Variants in NFIB observed in about 807,000 individuals in gnomAD.
The protein encoded by NFIB is nuclear factor I B, also known as nuclear factor 1 B-type.
NFIB carries 11 observed loss-of-function variants against 61.5 expected under a neutral mutation model. The ratio of observed to expected loss-of-function variants is 0.18; its 90% CI spans 0.11 to 0.30. The LOEUF is 0.30. NFIB is among the 10% of genes least tolerant of loss of function. The probability of loss-of-function intolerance (pLI) is 1.00; values close to 1 mark genes in which losing one functional copy is unlikely to be tolerated. For synonymous variants in NFIB, 260 were observed against 216.5 expected (o/e 1.20, Z -1.76); for missense variants, 471 against 608.9 (o/e 0.77, Z 2.38).
At chr9:14,333,557 G>T (rs1255211073) in intron 1 of NFIB, among the ~76,000 whole-genome samples, 1 of 152,056 alleles carries the variant, frequency 6.6e-6, no homozygotes, top group Non-Finnish European at 1.5e-5. Flanking sequence ...CCACACTATA[G>T]CCTGGTCAAA....
intron 2 of NFIB, among the ~76,000 whole-genome samples, chr9:14,302,990 T>G (rs1416505437): frequency 6.6e-6 from 1 of 152,236 alleles, no homozygotes; most frequent in East Asian, 1.9e-4. Flanking sequence ...TACAAAATTG[T>G]GCACTGAGAA....
intron 2 of NFIB, among the ~76,000 whole-genome samples, chr9:14,185,225 A>G (rs1432924275): frequency 2.0e-5 from 3 of 152,210 alleles, no homozygotes; most frequent in Non-Finnish European, 2.9e-5. Context: ...CATAAAAGAT[A>G]TCAAAAGAAG....
the NFIB span, among the ~76,000 whole-genome samples, chr9:14,531,059 C>A: frequency 2.0e-5 from 3 of 152,202 alleles, no homozygotes; most frequent in African/African-American, 7.2e-5. Context: ...ATTGTCCACA[C>A]AACAGAAATC....
At chr9:14,512,684 T>C in the NFIB span, among the ~76,000 whole-genome samples, 1 of 82,588 alleles carries the variant, frequency 1.2e-5, no homozygotes, top group South Asian at 3.9e-4. Context: ...TCTTGTACTC[T>C]TATTTATAAA....
intron 2 of NFIB, among the ~76,000 whole-genome samples, chr9:14,273,566 C>A (rs185049819): frequency 1.1e-3 from 161 of 152,242 alleles, no homozygotes; most frequent in African/African-American, 3.5e-3. Context: ...GCACGCTACA[C>A]AGAGGTCCGT....
At chr9:14,223,299 TC>T (rs1409704754) in intron 2 of NFIB, among the ~76,000 whole-genome samples, 3 of 152,218 alleles carry the variant, frequency 2.0e-5, no homozygotes, top group African/African-American at 7.2e-5. Context: ...ACTGAGCTGA[TC>T]TACTCTGACC....
chr9:14,481,207 A>ATATATATATATATATATATATG, the NFIB span, among the ~76,000 whole-genome samples: 1 of 64,276 alleles, frequency 1.6e-5, no homozygotes, highest in Non-Finnish European at 3.2e-5. Flanking sequence ...GTATATATAT[A>ATATATATATATATATATATATG]TATATATATA....
the NFIB span, among the ~76,000 whole-genome samples, chr9:14,440,215 C>G: frequency 4.6e-5 from 7 of 152,178 alleles, no homozygotes; most frequent in African/African-American, 1.7e-4. Flanking sequence ...AAGGGGCCAG[C>G]TGTGTCTTCC....
chr9:14,209,583 G>T (rs1273530574), intron 2 of NFIB, among the ~76,000 whole-genome samples: 1 of 152,242 alleles, frequency 6.6e-6, no homozygotes, highest in East Asian at 1.9e-4. Context: ...TTGTGGTTAT[G>T]AATGAAACAG....
intron 2 of NFIB, among the ~76,000 whole-genome samples, chr9:14,299,713 T>A (rs1393281508): frequency 1.3e-5 from 2 of 152,212 alleles, no homozygotes. Flanking sequence ...TGTTCAGAGA[T>A]CTTTAATTTG....
chr9:14,344,953 T>G lies in NFIB; in HGVS notation c.109-37433A>C, dbSNP rs184390180. ...GAAGGAAGAGGGGTGGTTGGGGCAT[T>G]CTTCCCACACCCCTACAGCCTAGGC... On this transcript the variant is annotated intron_variant, in intron 1 of 8. Transcript: ENST00000380934. Among the ~76,000 whole-genome samples the G allele has an allele frequency of 1.1e-4, 16 of 152,224 alleles. No homozygotes were observed. In the East Asian group the frequency reaches 2.3e-3, roughly 22 times the overall value.
chr9:14,223,728 C>T (rs771459518), intron 2 of NFIB, among the ~76,000 whole-genome samples: 13 of 152,098 alleles, frequency 8.5e-5, no homozygotes, highest in Admixed American at 2.6e-4. Flanking sequence ...GAAATGCAAA[C>T]GCAGAAAAAT....
chr9:14,098,761 A>G (rs2035274836), intron 10 of NFIB, among the ~76,000 whole-genome samples: 1 of 152,252 alleles, frequency 6.6e-6, no homozygotes, highest in Non-Finnish European at 1.5e-5. Context: ...ACTTAGGCAG[A>G]AAAATTGACT....
chr9:14,264,635 A>G (rs545470845), intron 2 of NFIB, among the ~76,000 whole-genome samples: 5 of 151,878 alleles, frequency 3.3e-5, no homozygotes, highest in South Asian at 2.1e-4. Context: ...CCGATCTGCT[A>G]TATGTCCCCT....
intron 3 of NFIB, among the ~76,000 whole-genome samples, chr9:14,167,077 GT>G (rs2044894017): frequency 2.6e-5 from 3 of 113,766 alleles, no homozygotes; most frequent in African/African-American, 1.1e-4. Context: ...TGTTGTGTGT[GT>G]GTGTCGGGGG....
chr9:14,344,573 G>A (rs1428419492), intron 1 of NFIB, among the ~76,000 whole-genome samples: 2 of 152,006 alleles, frequency 1.3e-5, no homozygotes, highest in East Asian at 1.9e-4. Flanking sequence ...CAGTATTATC[G>A]ATTTCTCAGT....
chr9:14,514,116 T>A, the NFIB span, among the ~76,000 whole-genome samples: 6 of 152,164 alleles, frequency 3.9e-5, no homozygotes, highest in Non-Finnish European at 7.4e-5. Context: ...GGTAAATGAA[T>A]GAATGAGGAA....
At chr9:14,091,392 A>G (rs1413327875) in intron 10 of NFIB, among the ~76,000 whole-genome samples, 1 of 152,088 alleles carries the variant, frequency 6.6e-6, no homozygotes, top group African/African-American at 2.4e-5. Flanking sequence ...TAAAAATGTA[A>G]TAGTGCTTTT....
At chr9:14,490,947 G>T in the NFIB span, among the ~76,000 whole-genome samples, 1 of 152,054 alleles carries the variant, frequency 6.6e-6, no homozygotes, top group Non-Finnish European at 1.5e-5. Flanking sequence ...CAAGTCTAGT[G>T]GTAATAGCAA....
Sources: allele counts gnomAD v4.1 joint callset (sites outside exome capture counted in the v4.1 genomes callset), GRCh38; gene constraint gnomAD v4.1.1; transcripts MANE v1.5; gene names NCBI Gene and HGNC (gene_info 2026-07-23, HGNC 2026-07-21).